SLC35F4: variants seen among roughly 807,000 people sequenced by gnomAD.
SLC35F4 encodes the protein chromosome 14 open reading frame 36.
A neutral mutation model predicts 44.2 loss-of-function variants in SLC35F4; 24 were observed. That is an observed-to-expected ratio of 0.54 (90% CI 0.39 to 0.76). The LOEUF (loss-of-function observed/expected upper bound fraction) is 0.76, where lower values mean the gene tolerates loss of function less well. Ranked by LOEUF, SLC35F4 falls within the 30% of genes least tolerant of loss-of-function variation. The pLI is 0.00. For synonymous variants in SLC35F4, 238 were observed against 223.6 expected, an observed-to-expected ratio of 1.06 and a Z score of -0.57; for missense variants, 562 against 586.1, an observed-to-expected ratio of 0.96 and a Z score of 0.42.
intron 1 of SLC35F4, among the ~76,000 whole-genome samples, chr14:57,607,194 A>G (rs1451115242): frequency 6.6e-6 from 1 of 152,202 alleles, no homozygotes; most frequent in Non-Finnish European, 1.5e-5. Context: ...CTGTAATCCT[A>G]TGGCTCAGTT....
At chr14:57,644,427 T>C (rs2073400463) in intron 1 of SLC35F4, among the ~76,000 whole-genome samples, 2 of 151,716 alleles carry the variant, frequency 1.3e-5, no homozygotes, top group South Asian at 2.1e-4. Context: ...TTTTGAGAAG[T>C]GTCTGTTCAT....
intron 2 of SLC35F4, among the ~76,000 whole-genome samples, chr14:57,590,289 A>G (rs1007482525): frequency 6.6e-6 from 1 of 151,624 alleles, no homozygotes; most frequent in African/African-American, 2.4e-5. Flanking sequence ...GCAACTCCAG[A>G]GGCTCAGGTG....
chr14:57,737,448 CTT>C (rs1293769095), intron 1 of SLC35F4, among the ~76,000 whole-genome samples: 1 of 152,118 alleles, frequency 6.6e-6, no homozygotes, highest in African/African-American at 2.4e-5. Context: ...TCTTTTGACT[CTT>C]AACTGTGAAC....
intron 1 of SLC35F4, among the ~76,000 whole-genome samples, chr14:57,611,007 G>A (rs1403480289): frequency 6.6e-6 from 1 of 152,238 alleles, no homozygotes; most frequent in African/African-American, 2.4e-5. Flanking sequence ...GAATAGCAGA[G>A]TGGTGTCTAG....
chr14:57,661,677 T>A (rs1288820730), intron 1 of SLC35F4, among the ~76,000 whole-genome samples: 1 of 152,188 alleles, frequency 6.6e-6, no homozygotes, highest in African/African-American at 2.4e-5. Context: ...CAGAGACGAA[T>A]GTGCTCTTCA....
chr14:57,580,004 T>C (rs914209437), intron 4 of SLC35F4, among the ~76,000 whole-genome samples: 7 of 152,198 alleles, frequency 4.6e-5, no homozygotes, highest in African/African-American at 1.7e-4. Context: ...GACATAAATA[T>C]GTGATGCTGA....
At chr14:57,767,547 T>C (rs1295599271) in intron 1 of SLC35F4, among the ~76,000 whole-genome samples, 1 of 151,996 alleles carries the variant, frequency 6.6e-6, no homozygotes, top group Non-Finnish European at 1.5e-5. Context: ...TAAAGCAGTG[T>C]CAAGAGATAA....
At chr14:57,955,554 C>T (rs1890220934) in intron 1 of SLC35F4, among the ~76,000 whole-genome samples, 1 of 152,114 alleles carries the variant, frequency 6.6e-6, no homozygotes, top group Non-Finnish European at 1.5e-5. Context: ...TCAACTCAGC[C>T]GAAAATCTCC....
intron 1 of SLC35F4, among the ~76,000 whole-genome samples, chr14:57,678,349 C>T (rs994218003): frequency 6.6e-6 from 1 of 152,052 alleles, no homozygotes; most frequent in African/African-American, 2.4e-5. Context: ...CCAGGCCTGC[C>T]TCACAAGGGC....
intron 1 of SLC35F4, among the ~76,000 whole-genome samples, chr14:57,964,730 G>A (rs1312715491): frequency 6.6e-6 from 1 of 152,054 alleles, no homozygotes; most frequent in African/African-American, 2.4e-5. Flanking sequence ...TCAAGGTGGG[G>A]AAGGTAGAGG....
intron 1 of SLC35F4, among the ~76,000 whole-genome samples, chr14:57,729,929 T>C (rs748200347): frequency 6.6e-6 from 1 of 152,212 alleles, no homozygotes; most frequent in Non-Finnish European, 1.5e-5. Context: ...GGTCAAAATG[T>C]TCCCTTCATA....
chr14:57,711,154 A>G (rs2075808946), intron 1 of SLC35F4, among the ~76,000 whole-genome samples: 1 of 152,076 alleles, frequency 6.6e-6, no homozygotes, highest in Non-Finnish European at 1.5e-5. Flanking sequence ...TGCTGTTCTC[A>G]TGATAGTGAG....
At chr14:57,655,613 C>A (rs973487901) in intron 1 of SLC35F4, among the ~76,000 whole-genome samples, 1 of 152,110 alleles carries the variant, frequency 6.6e-6, no homozygotes, top group Non-Finnish European at 1.5e-5. Context: ...CCACCCAGCA[C>A]TGCAGCTCCA....
chr14:57,632,807 A>G (rs2072848111), intron 1 of SLC35F4, among the ~76,000 whole-genome samples: 1 of 152,034 alleles, frequency 6.6e-6, no homozygotes, highest in African/African-American at 2.4e-5. Context: ...ACAAATTTAT[A>G]ACGATATGTA....
At chr14:57,845,514 C>T (rs1423361383) in intron 1 of SLC35F4, among the ~76,000 whole-genome samples, 1 of 152,214 alleles carries the variant, frequency 6.6e-6, no homozygotes, top group Admixed American at 6.5e-5. Flanking sequence ...TCAAACATTA[C>T]TCTGCAAACA....
intron 1 of SLC35F4, among the ~76,000 whole-genome samples, chr14:57,618,217 G>C (rs1265268532): frequency 6.6e-6 from 1 of 152,164 alleles, no homozygotes; most frequent in Admixed American, 6.5e-5. Context: ...TTGGCATAAA[G>C]AATCCAGTCA....
At chr14:57,713,587 C>T (rs2075864936) in intron 1 of SLC35F4, among the ~76,000 whole-genome samples, 1 of 152,152 alleles carries the variant, frequency 6.6e-6, no homozygotes, top group Non-Finnish European at 1.5e-5. Context: ...TGGGTAAGTA[C>T]TGTGTTTCTC....
At chr14:57,964,885 G>A (rs1480897337) in intron 1 of SLC35F4, among the ~76,000 whole-genome samples, 2 of 150,412 alleles carry the variant, frequency 1.3e-5, no homozygotes, top group African/African-American at 2.5e-5. Flanking sequence ...TAGCACACAT[G>A]TTGAGATTTT....
intron 1 of SLC35F4, among the ~76,000 whole-genome samples, chr14:57,639,099 A>C (rs903017954): frequency 2.0e-5 from 3 of 152,134 alleles, no homozygotes; most frequent in Non-Finnish European, 2.9e-5. Flanking sequence ...GCCCTAAGCA[A>C]AAGAGGCTGA....
Sources: gnomAD v4.1 joint callset for allele counts (sites outside exome capture counted in the v4.1 genomes callset) on GRCh38, gnomAD v4.1.1 for gene constraint, MANE v1.5 for transcripts, NCBI Gene and HGNC (gene_info 2026-07-23, HGNC 2026-07-21) for gene names.